The following MATCAP2 variants were observed in gnomAD, a reference collection of about 807,000 sequenced individuals.
MATCAP2 encodes putative tyrosine carboxypeptidase MATCAP2.
At chr7:36,365,385 G>A in the MATCAP2 span, among the ~76,000 whole-genome samples, 4 of 152,080 alleles carry the variant, frequency 2.6e-5, no homozygotes, top group African/African-American at 9.7e-5. Flanking sequence ...ATCCCACAAG[G>A]AAGAACTATC....
the MATCAP2 span, among the ~76,000 whole-genome samples, chr7:36,375,747 T>G: frequency 2.4e-3 from 369 of 152,328 alleles, 1 homozygote; most frequent in African/African-American, 7.9e-3. Flanking sequence ...AGGCTATTAA[T>G]TATTGCCTTA....
At chr7:36,358,855 C>G in the MATCAP2 span, among the ~76,000 whole-genome samples, 2 of 152,100 alleles carry the variant, frequency 1.3e-5, no homozygotes, top group Non-Finnish European at 2.9e-5. Context: ...ACAAAAGACA[C>G]AAACAATAAC....
chr7:36,348,274 A>G, the MATCAP2 span, among the ~76,000 whole-genome samples: 2 of 152,230 alleles, frequency 1.3e-5, no homozygotes, highest in Non-Finnish European at 2.9e-5. Flanking sequence ...AAGATTTGTG[A>G]TTACTCAATC....
chr7:36,383,807 TATA>T, the MATCAP2 span: 1 of 1,202,910 alleles, frequency 8.3e-7, no homozygotes, highest in Non-Finnish European at 1.2e-6. Context: ...GAACTTAAAG[TATA>T]ATAATAATTT....
chr7:36,344,712 C>A, the MATCAP2 span, among the ~76,000 whole-genome samples: 2 of 152,008 alleles, frequency 1.3e-5, no homozygotes, highest in African/African-American at 4.8e-5. Flanking sequence ...CTTAAAAATT[C>A]AACTAATATT....
At chr7:36,375,935 T>C in the MATCAP2 span, among the ~76,000 whole-genome samples, 1 of 152,212 alleles carries the variant, frequency 6.6e-6, no homozygotes, top group South Asian at 2.1e-4. Context: ...AGTGGTGATA[T>C]CCCCTTTATC....
At chr7:36,328,481 C>A in the MATCAP2 span, among the ~76,000 whole-genome samples, 2 of 152,098 alleles carry the variant, frequency 1.3e-5, no homozygotes, top group Non-Finnish European at 2.9e-5. Flanking sequence ...CAGTGGCCCA[C>A]ACCTGTAATC....
the MATCAP2 span, among the ~76,000 whole-genome samples, chr7:36,374,992 A>G: frequency 2.6e-5 from 4 of 152,220 alleles, no homozygotes; most frequent in East Asian, 5.8e-4. Context: ...TAGTGCTGCA[A>G]TAAACATACG....
chr7:36,324,913 T>C, the MATCAP2 span: 1 of 152,234 alleles, frequency 6.6e-6, no homozygotes, highest in Non-Finnish European at 1.5e-5. Flanking sequence ...AAATTAAGGC[T>C]GCTGTGATTT....
chr7:36,350,234 CAA>C, the MATCAP2 span, among the ~76,000 whole-genome samples: 2 of 151,960 alleles, frequency 1.3e-5, no homozygotes, highest in African/African-American at 2.4e-5. Context: ...TTTTTTCTAT[CAA>C]AAGAGAAAAA....
At chr7:36,366,261 G>T in the MATCAP2 span, among the ~76,000 whole-genome samples, 1 of 151,950 alleles carries the variant, frequency 6.6e-6, no homozygotes. Context: ...ATTATGTAAG[G>T]TTTTTTTTAA....
the MATCAP2 span, chr7:36,325,851 T>G: frequency 2.0e-5 from 3 of 152,134 alleles, no homozygotes; most frequent in East Asian, 5.8e-4. Context: ...AGAAATTTCT[T>G]TTTTCAGAGC....
At chr7:36,388,199 C>T in the MATCAP2 span, among the ~76,000 whole-genome samples, 1 of 151,458 alleles carries the variant, frequency 6.6e-6, no homozygotes, top group African/African-American at 2.4e-5. Flanking sequence ...ATGAACTTCA[C>T]AAAATCCTGT....
chr7:36,366,836 C>G, the MATCAP2 span: 1 of 1,514,844 alleles, frequency 6.6e-7, no homozygotes, highest in Non-Finnish European at 8.8e-7. Flanking sequence ...CAGCCGGTGG[C>G]TACCATTACC....
chr7:36,383,517 CATGG>C, the MATCAP2 span, among the ~76,000 whole-genome samples: 8 of 152,266 alleles, frequency 5.3e-5, no homozygotes, highest in Admixed American at 3.9e-4. Context: ...TTTGCAGGGA[CATGG>C]ATGAAGCTGG....
chr7:36,343,651 G>A, the MATCAP2 span, among the ~76,000 whole-genome samples: 89 of 108,520 alleles, frequency 8.2e-4, no homozygotes, highest in East Asian at 0.013. Context: ...AAAAAGAAAA[G>A]AGAAGGAAGG....
At chr7:36,389,276 T>C in the MATCAP2 span, among the ~76,000 whole-genome samples, 1 of 152,192 alleles carries the variant, frequency 6.6e-6, no homozygotes, top group South Asian at 2.1e-4. Flanking sequence ...TTGGCAAGGC[T>C]GGTCTTGAAC....
the MATCAP2 span, among the ~76,000 whole-genome samples, chr7:36,338,535 C>A: frequency 6.6e-6 from 1 of 152,012 alleles, no homozygotes; most frequent in Non-Finnish European, 1.5e-5. Context: ...TCAAATGATC[C>A]TCCCACCTCC....
the MATCAP2 span, chr7:36,326,936 G>C: frequency 2.5e-6 from 4 of 1,597,664 alleles, no homozygotes; most frequent in Admixed American, 7.2e-5. Context: ...AAAGGAAGAT[G>C]AGTTAAATTA....
Sources: gnomAD v4.1 joint callset for allele counts (sites outside exome capture counted in the v4.1 genomes callset) on GRCh38, gnomAD v4.1.1 for gene constraint, MANE v1.5 for transcripts, NCBI Gene and HGNC (gene_info 2026-07-23, HGNC 2026-07-21) for gene names.